Variants in SCAI observed in about 807,000 individuals in gnomAD.
The protein encoded by SCAI is suppressor of cancer cell invasion.
SCAI carries 24 observed loss-of-function variants against 92.2 expected under a neutral mutation model. The observed-to-expected ratio is 0.26, with a 90% CI of 0.19 to 0.37. The LOEUF (loss-of-function observed/expected upper bound fraction) is 0.37, where lower values mean the gene tolerates loss of function less well. Among genes scored for constraint, SCAI ranks in the 10% least tolerant of loss-of-function variants. SCAI has a pLI of 1.00. For synonymous variants in SCAI, 261 were observed against 258.6 expected, an observed-to-expected ratio of 1.01 and a Z score of -0.09; for missense variants, 450 against 736.2, an observed-to-expected ratio of 0.61 and a Z score of 4.50.
chr9:125,080,155 T>C (rs1834180966), intron 2 of SCAI, among the ~76,000 whole-genome samples: 1 of 152,084 alleles, frequency 6.6e-6, no homozygotes, highest in Admixed American at 6.6e-5. Flanking sequence ...GCTCCCACGC[T>C]CCAGAAACTA....
intron 2 of SCAI, among the ~76,000 whole-genome samples, chr9:125,094,562 C>T (rs572496006): frequency 9.8e-5 from 15 of 152,310 alleles, no homozygotes; most frequent in African/African-American, 3.4e-4. Flanking sequence ...TGTGCAGGGG[C>T]TCCAACACGG....
chr9:124,976,027 G>A, intron 15 of SCAI, 87 bp downstream of exon 15: 1 of 838,178 alleles, frequency 1.2e-6, no homozygotes, highest in Non-Finnish European at 2.0e-6. Flanking sequence ...ATCATTATGG[G>A]AGGAAAAAAC....
chr9:125,064,630 G>A (rs1347617952), intron 2 of SCAI, among the ~76,000 whole-genome samples: 1 of 152,098 alleles, frequency 6.6e-6, no homozygotes, highest in Non-Finnish European at 1.5e-5. Context: ...CAGATCACCT[G>A]GGGTCAGGAG....
intron 2 of SCAI, among the ~76,000 whole-genome samples, chr9:125,135,781 C>T (rs746577672): frequency 5.9e-5 from 9 of 151,980 alleles, no homozygotes; most frequent in Admixed American, 5.2e-4. Flanking sequence ...ACCAGCCTAA[C>T]GAACATGGAG....
chr9:125,126,294 G>A (rs113976813), intron 2 of SCAI, among the ~76,000 whole-genome samples: 2,021 of 152,216 alleles, frequency 0.013, 36 homozygotes, highest in African/African-American at 0.044. Flanking sequence ...CCTCCCCATG[G>A]GCTGCCTGGG....
At chr9:124,959,358 TA>T (rs1359924900) in intron 17 of SCAI, among the ~76,000 whole-genome samples, 1 of 150,280 alleles carries the variant, frequency 6.7e-6, no homozygotes, top group Non-Finnish European at 1.5e-5. Flanking sequence ...TGGTCAGATT[TA>T]AAAGTCTGAC....
In SCAI at chr9:125,004,329, C is replaced by CTT. The variant is rs563470435; in HGVS notation, c.862-761_862-760dup. Among the ~76,000 whole-genome samples the CTT allele has an allele frequency of 2.3e-4, 31 of 134,386 alleles. 1 individual carries two copies. Among genetic ancestry groups the CTT allele is most frequent in the African/African-American group, 7.2e-4 (26 of 36,166 alleles). The allele number at this position is 134,386 out of a possible 152,430, so 88.2% of individuals were successfully genotyped here. ...ACCACAAGGATCTCCAGCCCAAATT[C>CTT]TTTTTTTTTTTTTTTTTGAGACAGA... is the stretch of plus-strand genomic sequence containing the variant. On this transcript the variant is annotated intron_variant, in intron 9 of 17. Coordinates refer to ENST00000336505, the MANE Select transcript of SCAI (RefSeq NM_001144877.3).
At chr9:125,089,409 G>C (rs1400524061) in intron 2 of SCAI, among the ~76,000 whole-genome samples, 1 of 152,132 alleles carries the variant, frequency 6.6e-6, no homozygotes, top group Non-Finnish European at 1.5e-5. Flanking sequence ...TACTTAACCT[G>C]TGGTCAAATT....
intron 14 of SCAI, among the ~76,000 whole-genome samples, chr9:124,989,317 G>T (rs1291744259): frequency 6.6e-6 from 1 of 152,100 alleles, no homozygotes; most frequent in Non-Finnish European, 1.5e-5. Context: ...CCGTGGCTCA[G>T]GCTGAGCATG....
chr9:125,061,275 C>T (rs901142503), intron 2 of SCAI, among the ~76,000 whole-genome samples: 7 of 151,606 alleles, frequency 4.6e-5, no homozygotes, highest in Non-Finnish European at 7.4e-5. Flanking sequence ...CCAGCCTGGG[C>T]GATACAGCGA....
At chr9:125,004,477 T>A (rs1466530645) in intron 9 of SCAI, among the ~76,000 whole-genome samples, 1 of 150,152 alleles carries the variant, frequency 6.7e-6, no homozygotes. Flanking sequence ...TACAGGCGTG[T>A]GCCAAAACAC....
chr9:125,137,479 C>A lies in SCAI; in HGVS notation c.98+5154G>T, dbSNP rs1380909893. On this transcript the variant is annotated intron_variant, in intron 2 of 17. Transcript: ENST00000336505. ...CGTATAGTCCCCACAGTGTACGCAT[C>A]CCTCTTTACCTCTGAATCAAGCCAA... Among the ~76,000 whole-genome samples, 5 of 152,330 alleles carry A rather than the reference C, an allele frequency of 3.3e-5. No homozygotes were observed. The East Asian group carries it at 9.6e-4, about 29-fold the overall frequency.
intron 2 of SCAI, among the ~76,000 whole-genome samples, chr9:125,096,027 T>G (rs1446812754): frequency 6.6e-6 from 1 of 152,214 alleles, no homozygotes; most frequent in Non-Finnish European, 1.5e-5. Flanking sequence ...TGCAGGTCTT[T>G]GTAGAGGGGC....
At chr9:125,032,189 A>ATTTTT (rs1440287800) in intron 3 of SCAI, among the ~76,000 whole-genome samples, 38 of 81,292 alleles carry the variant, frequency 4.7e-4, no homozygotes, top group African/African-American at 2.2e-3. Context: ...ATATATATAT[A>ATTTTT]TATATATTTT....
At chr9:125,133,615 C>A (rs1443443988) in intron 2 of SCAI, among the ~76,000 whole-genome samples, 1 of 152,100 alleles carries the variant, frequency 6.6e-6, no homozygotes, top group Non-Finnish European at 1.5e-5. Flanking sequence ...AGTGTACACC[C>A]ACAGAATGGC....
intron 17 of SCAI, chr9:124,968,918 C>A: frequency 7.2e-6 from 3 of 418,096 alleles, no homozygotes; most frequent in South Asian, 4.8e-5. Context: ...TAGGAAATCT[C>A]CAAAATTTTT....
chr9:124,975,195 A>T, intron 15 of SCAI: 1 of 355,638 alleles, frequency 2.8e-6, no homozygotes, highest in South Asian at 2.1e-5. Flanking sequence ...ACTTTTGGAT[A>T]CATGAAGTTA....
chr9:124,966,201 A>G (rs1255413807), intron 17 of SCAI, among the ~76,000 whole-genome samples: 2 of 150,406 alleles, frequency 1.3e-5, no homozygotes, highest in African/African-American at 2.4e-5. Context: ...TACATTAGGT[A>G]TATCTCCTAA....
intron 2 of SCAI, among the ~76,000 whole-genome samples, chr9:125,109,277 T>G (rs11790717): frequency 0.13 from 20,238 of 152,044 alleles, 1,441 homozygotes; most frequent in East Asian, 0.23. Flanking sequence ...CACTTGTTTA[T>G]CTGCTGACCT....
Sources: allele counts gnomAD v4.1 joint callset (sites outside exome capture counted in the v4.1 genomes callset), GRCh38; gene constraint gnomAD v4.1.1; transcripts MANE v1.5; gene names NCBI Gene and HGNC (gene_info 2026-07-23, HGNC 2026-07-21).